Variants in OSBPL6 observed in about 807,000 individuals in gnomAD.
OSBPL6 encodes oxysterol binding protein like 6.
Under a neutral mutation model 125.8 loss-of-function variants are expected in OSBPL6, and 49 were observed. The observed-to-expected ratio is 0.39, with a 90% CI of 0.31 to 0.49. OSBPL6 has a LOEUF of 0.49. OSBPL6 is among the 20% of genes least tolerant of loss of function. The pLI is 0.88. For missense variants in OSBPL6, 986 were observed against 1,135.4 expected, an observed-to-expected ratio of 0.87 and a Z score of 1.89; for synonymous variants, 394 against 391.8, an observed-to-expected ratio of 1.01 and a Z score of -0.07.
At chr2:178,267,353 CAAAAAAAAAAAAAA>C (rs57444695) in intron 1 of OSBPL6, among the ~76,000 whole-genome samples, 1 of 81,754 alleles carries the variant, frequency 1.2e-5, no homozygotes, top group Non-Finnish European at 2.3e-5. Context: ...AACTCCATCT[CAAAAAAAAAAAAAA>C]AAAAAAAACA....
chr2:178,255,957 G>A (rs928863321), intron 1 of OSBPL6, among the ~76,000 whole-genome samples: 5 of 152,188 alleles, frequency 3.3e-5, no homozygotes, highest in African/African-American at 1.2e-4. Flanking sequence ...TCTGTGGTTT[G>A]ACCTTGATAA....
At chr2:178,361,132 C>T (rs569446924) in intron 12 of OSBPL6, among the ~76,000 whole-genome samples, 3 of 152,250 alleles carry the variant, frequency 2.0e-5, no homozygotes, top group South Asian at 2.1e-4. Context: ...GAGAAAGCAA[C>T]GCAAGTGCTG....
At chr2:178,208,649 C>T (rs1471975184) in intron 1 of OSBPL6, among the ~76,000 whole-genome samples, 1 of 104,424 alleles carries the variant, frequency 9.6e-6, no homozygotes, top group Admixed American at 1.1e-4. Context: ...CCCCTCCCTT[C>T]CCCTCCCCTT....
At chr2:178,391,261 A>G (rs867918134) in intron 22 of OSBPL6, 44 bp downstream of exon 22, 1 of 1,529,654 alleles carries the variant, frequency 6.5e-7, no homozygotes, top group Middle Eastern at 1.8e-4. Context: ...GGCACTATGG[A>G]CAACAGAAGG....
chr2:178,211,024 G>A (rs1010246139), intron 1 of OSBPL6, among the ~76,000 whole-genome samples: 1 of 152,136 alleles, frequency 6.6e-6, no homozygotes, highest in African/African-American at 2.4e-5. Flanking sequence ...GTTCACGTCT[G>A]TAATTCCAAC....
intron 1 of OSBPL6, among the ~76,000 whole-genome samples, chr2:178,245,476 C>T (rs2091455770): frequency 6.6e-6 from 1 of 152,290 alleles, no homozygotes; most frequent in Non-Finnish European, 1.5e-5. Flanking sequence ...TTCAGCCACA[C>T]ACCCTTCATT....
chr2:178,204,571 C>T (rs2089435514), intron 1 of OSBPL6, among the ~76,000 whole-genome samples: 1 of 152,184 alleles, frequency 6.6e-6, no homozygotes, highest in Admixed American at 6.5e-5. Context: ...CTTTTGTTGC[C>T]TGATAATATC....
intron 2 of OSBPL6, among the ~76,000 whole-genome samples, chr2:178,300,966 G>C (rs1686222110): frequency 6.6e-6 from 1 of 151,612 alleles, no homozygotes; most frequent in African/African-American, 2.4e-5. Flanking sequence ...AAACAAAGAA[G>C]AACCAAAAAA....
intron 1 of OSBPL6, among the ~76,000 whole-genome samples, chr2:178,246,826 T>G (rs936127383): frequency 6.6e-6 from 1 of 152,244 alleles, no homozygotes; most frequent in Non-Finnish European, 1.5e-5. Context: ...CAATTTAGTT[T>G]GATTCTATCA....
intron 1 of OSBPL6, among the ~76,000 whole-genome samples, chr2:178,239,596 A>AT (rs749439489): frequency 1.4e-4 from 4 of 29,618 alleles, no homozygotes; most frequent in Non-Finnish European, 2.4e-4. Context: ...ACTTTATTTT[A>AT]TTTATTTATT....
At chr2:178,382,889 C>A in intron 16 of OSBPL6, 135 bp from the exon 17 acceptor site, 1 of 1,431,658 alleles carries the variant, frequency 7.0e-7, no homozygotes, top group Non-Finnish European at 9.3e-7. Context: ...GAAAGAATTC[C>A]ATTTACTTTT....
intron 13 of OSBPL6, among the ~76,000 whole-genome samples, chr2:178,371,766 T>A (rs1160867352): frequency 6.6e-6 from 1 of 152,186 alleles, no homozygotes; most frequent in Non-Finnish European, 1.5e-5. Context: ...GAATTTTCAA[T>A]GAAAACAATA....
chr2:178,362,973 C>T (rs1692492608), intron 13 of OSBPL6, among the ~76,000 whole-genome samples: 1 of 152,194 alleles, frequency 6.6e-6, no homozygotes, highest in African/African-American at 2.4e-5. Flanking sequence ...CGGTCGAACA[C>T]TCAGTTGACG....
intron 1 of OSBPL6, among the ~76,000 whole-genome samples, chr2:178,220,285 CCTT>C (rs1040931348): frequency 2.0e-5 from 3 of 152,088 alleles, no homozygotes; most frequent in Non-Finnish European, 2.9e-5. Flanking sequence ...TGAACAATCT[CCTT>C]CTTTTTTGGG....
At chr2:178,279,372 A>G (rs879767346) in intron 1 of OSBPL6, among the ~76,000 whole-genome samples, 4 of 152,308 alleles carry the variant, frequency 2.6e-5, no homozygotes, top group Non-Finnish European at 5.9e-5. Flanking sequence ...ATAATGGATC[A>G]TTTGCTTCCT....
intron 1 of OSBPL6, among the ~76,000 whole-genome samples, chr2:178,250,475 C>A (rs772657501): frequency 6.6e-6 from 1 of 152,160 alleles, no homozygotes; most frequent in Non-Finnish European, 1.5e-5. Context: ...ATCTTTCACT[C>A]CCCTTTCCTA....
chr2:178,279,658 G>A (rs146246488), intron 1 of OSBPL6, among the ~76,000 whole-genome samples: 92 of 152,272 alleles, frequency 6.0e-4, no homozygotes, highest in Admixed American at 1.1e-3. Context: ...GTGTGTGCAC[G>A]CGTGTGCATG....
rs1348937510 is a variant in OSBPL6, at chr2:178,383,203, C to T, written c.1801C>T (p.His601Tyr). Residue 601 changes from histidine to tyrosine, a missense_variant, in exon 17 of 25, where the codon CAC becomes TAC. Coordinates refer to ENST00000190611, the MANE Select transcript of OSBPL6 (RefSeq NM_032523.4). ...AAACGAGCCGCTCAACACCCTGCAG[C>T]ACCTCTGTGAGGAAATGGAATACAG... ...ELNEPLNTLQ[H>Y]LCEEMEYSEL... The T allele has an allele frequency of 5.0e-6, 8 of 1,614,224 alleles. No individual in the cohort carries two copies. Among genetic ancestry groups the T allele is most frequent in the Non-Finnish European group, 6.8e-6 (8 of 1,180,048 alleles).
At chr2:178,325,088 C>T (rs566719793) in intron 4 of OSBPL6, among the ~76,000 whole-genome samples, 4 of 152,220 alleles carry the variant, frequency 2.6e-5, no homozygotes, top group East Asian at 3.9e-4. Flanking sequence ...ATTAAATTCA[C>T]GTATGTCTAA....
Sources: allele counts gnomAD v4.1 joint callset (sites outside exome capture counted in the v4.1 genomes callset), GRCh38; gene constraint gnomAD v4.1.1; transcripts MANE v1.5; gene names NCBI Gene and HGNC (gene_info 2026-07-23, HGNC 2026-07-21).